The following RPS13 variants were observed in gnomAD, a reference collection of about 807,000 sequenced individuals.
RPS13 encodes the protein small ribosomal subunit protein uS15.
Under a neutral mutation model 24.6 loss-of-function variants are expected in RPS13, and 1 was observed. The observed-to-expected ratio is 0.04, with a 90% confidence interval of 0.01 to 0.19. The LOEUF is 0.19. Among genes scored for constraint, RPS13 ranks in the 10% least tolerant of loss-of-function variants. The pLI, the probability that RPS13 is intolerant of heterozygous loss-of-function variation, is 1.00. For missense variants in RPS13, 88 were observed against 187.4 expected, an observed-to-expected ratio of 0.47 and a Z score of 3.10; for synonymous variants, 69 against 65.3, an observed-to-expected ratio of 1.06 and a Z score of -0.27.
intron 3 of RPS13, chr11:17,076,909 T>A (rs1848032192): frequency 1.9e-6 from 1 of 525,290 alleles, no homozygotes; most frequent in African/African-American, 1.9e-5. Flanking sequence ...GCTGTGTGAT[T>A]TGGGGCTGGT....
Position 17,075,130 on chromosome 11 carries a change from T to C in RPS13, c.389A>G (p.Lys130Arg). 6.2e-7 allele frequency: 1 copy of C among 1,611,894 alleles called. No homozygotes were observed. Among genetic ancestry groups the C allele is most frequent in the Non-Finnish European group, 8.5e-7 (1 of 1,179,300 alleles). The change falls in exon 5 of 6, where the codon AAG becomes AGG. Residue 130 changes from lysine (K) to arginine (R), a missense_variant. Lys to Arg is a conservative substitution (Grantham distance 26, BLOSUM62 2). Coordinates refer to ENST00000525634, the MANE Select transcript of RPS13 (RefSeq NM_001017.3). ...SRIHRLARYY[K>R]TKRVLPPNWK... The stretch of plus-strand genomic sequence containing the variant: ...ATTGGGAGGGAGGACTCGCTTGGTC[T>C]TATAATATCGAGCCAAACGGTGAAT...
intron 3 of RPS13, chr11:17,075,921 T>C (rs1163542772): frequency 4.0e-6 from 2 of 502,076 alleles, no homozygotes; most frequent in Admixed American, 2.7e-5. Context: ...ACAGCTAACA[T>C]TTACTGAGAA....
intron 5 of RPS13, chr11:17,074,821 A>G (rs1253497126): frequency 1.5e-6 from 1 of 656,834 alleles, no homozygotes; most frequent in African/African-American, 1.8e-5. Context: ...TCTAAAAGAG[A>G]GTCAAAGGGC....
intron 3 of RPS13, chr11:17,075,837 C>T (rs1848017567): frequency 1.5e-6 from 1 of 658,860 alleles, no homozygotes; most frequent in African/African-American, 1.8e-5. Flanking sequence ...CTGGTGGAAA[C>T]TGCGAATGTT....
chr11:17,077,601 T>G lies in RPS13; in HGVS notation c.23+18A>C, dbSNP rs1848040195. 5.2e-6 allele frequency: 4 copies of G among 766,656 alleles called. No individual in the cohort carries two copies. The highest frequency in any genetic ancestry group is 2.1e-5 in the African/African-American group (1 of 47,920). The allele number at this position is 766,656 out of a possible 1,614,324, so 47.5% of individuals were successfully genotyped here. On this transcript the variant is annotated intron_variant, in intron 1 of 5. Coordinates refer to ENST00000525634, the MANE Select transcript of RPS13 (RefSeq NM_001017.3). Reference sequence around the variant, plus strand: ...CCCACCCCCCGCCCAGCAATCCGGCTTGATGCCCCGAGCTCACCCGGGAGC... The same window carrying G: ...CCCACCCCCCGCCCAGCAATCCGGCGTGATGCCCCGAGCTCACCCGGGAGC...
intron 4 of RPS13, 88 bp from the exon 5 acceptor site, chr11:17,075,285 T>C (rs1848009343): frequency 1.9e-6 from 2 of 1,052,048 alleles, no homozygotes; most frequent in East Asian, 2.4e-5. Flanking sequence ...AGAGCTACCA[T>C]GCACTTTCTA....
chr11:17,075,327 T>G, intron 4 of RPS13, 127 bp downstream of exon 4: 2 of 1,000,150 alleles, frequency 2.0e-6, no homozygotes, highest in South Asian at 3.2e-5. Context: ...GAATTTGAAC[T>G]TCAAAGCAGC....
chr11:17,076,449 G>C (rs1345989375), intron 3 of RPS13: 2 of 318,676 alleles, frequency 6.3e-6, no homozygotes, highest in Non-Finnish European at 1.2e-5. Flanking sequence ...CCACCTATTC[G>C]GGAGGCTGAG....
intron 3 of RPS13, 77 bp downstream of exon 3, chr11:17,077,091 A>G (rs1848034129): frequency 8.8e-7 from 1 of 1,137,742 alleles, no homozygotes; most frequent in African/African-American, 1.5e-5. Context: ...TATTTTTAAA[A>G]TAACTTTACC....
At chr11:17,077,527 G>C in intron 1 of RPS13, 50 bp from the exon 2 acceptor site, 10 of 1,613,058 alleles carry the variant, frequency 6.2e-6, no homozygotes, top group Non-Finnish European at 8.5e-6. Context: ...TGCCAGAGCA[G>C]CCCAGAACAT....
chr11:17,074,912 A>G (rs1848003355), intron 5 of RPS13, among the ~76,000 whole-genome samples, 185 bp downstream of exon 5: 1 of 152,154 alleles, frequency 6.6e-6, no homozygotes, highest in South Asian at 2.1e-4. Flanking sequence ...CACCCATTCG[A>G]TTATGTATTG....
chr11:17,074,716 G>A (rs563219126), intron 5 of RPS13: 41 of 687,240 alleles, frequency 6.0e-5, no homozygotes, highest in South Asian at 5.3e-4. Context: ...TGGAAACTGC[G>A]AATGTCTGGC....
intron 3 of RPS13, 51 bp downstream of exon 3, chr11:17,077,117 C>T: frequency 7.3e-7 from 1 of 1,368,664 alleles, no homozygotes; most frequent in African/African-American, 1.4e-5. Flanking sequence ...CTAGATCCTA[C>T]AAGTCACACG....
chr11:17,075,711 T>C (rs1848015373), intron 3 of RPS13, 88 bp from the exon 4 acceptor site: 1 of 1,041,122 alleles, frequency 9.6e-7, no homozygotes, highest in South Asian at 1.4e-5. Context: ...AGGGCATAGT[T>C]TCCTATCTGT....
At chr11:17,075,995 G>A (rs762515731) in intron 3 of RPS13, 1 of 349,352 alleles carries the variant, frequency 2.9e-6, no homozygotes, top group South Asian at 2.2e-5. Flanking sequence ...AATGAGCTCT[G>A]ACTACTTACA....
intron 1 of RPS13, 32 bp from the exon 2 acceptor site, chr11:17,077,509 G>A (rs1006388472): frequency 1.9e-6 from 3 of 1,613,888 alleles, no homozygotes; most frequent in South Asian, 1.1e-5. Context: ...AGGTGAGGTG[G>A]CGGCTAGTGC....
At position 17,075,616 on chromosome 11, in the gene RPS13, G is replaced by T. The variant is rs1848013502; in HGVS notation, c.159C>A (p.Ile53=). 1 of 1,596,034 alleles carries T rather than the reference G, an allele frequency of 6.3e-7. No individual in the cohort carries two copies. Among genetic ancestry groups the T allele is most frequent in the African/African-American group, 1.4e-5 (1 of 73,846 alleles). Reference sequence around the variant, plus strand: ...GTGCAACACCATGTGAATCTCTCAGGATTACACCTGAAAAGGGAATCACGT... The same window carrying T: ...GTGCAACACCATGTGAATCTCTCAGTATTACACCTGAAAAGGGAATCACGT... ...KGLTPSQIGV[I]LRDSHGVAQV... The change falls in exon 4 of 6, where the codon ATC becomes ATA. Residue 53 remains isoleucine, a synonymous_variant. Transcript: ENST00000525634.
intron 3 of RPS13, chr11:17,075,855 C>G: frequency 1.6e-6 from 1 of 636,926 alleles, no homozygotes; most frequent in Non-Finnish European, 2.9e-6. Flanking sequence ...GTTGGAAAAC[C>G]ATCATCACAG....
At chr11:17,075,721 T>A in intron 3 of RPS13, 98 bp from the exon 4 acceptor site, 3 of 911,352 alleles carry the variant, frequency 3.3e-6, no homozygotes, top group Non-Finnish European at 5.2e-6. Flanking sequence ...TTCCTATCTG[T>A]AAGATGGGGG....
Sources: allele counts gnomAD v4.1 joint callset (sites outside exome capture counted in the v4.1 genomes callset), GRCh38; gene constraint gnomAD v4.1.1; transcripts MANE v1.5; gene names NCBI Gene and HGNC (gene_info 2026-07-23, HGNC 2026-07-21).